The following ATXN1 variants were observed in gnomAD, a reference collection of about 807,000 sequenced individuals.
ATXN1 encodes ataxin-1.
ATXN1 carries 8 observed loss-of-function variants against 56.4 expected under a neutral mutation model. That is an observed-to-expected ratio of 0.14 (90% CI 0.08 to 0.26). The LOEUF is 0.26. Among genes scored for constraint, ATXN1 ranks in the 10% least tolerant of loss-of-function variants. The probability of loss-of-function intolerance (pLI) is 1.00; values close to 1 mark genes in which losing one functional copy is unlikely to be tolerated. For missense variants in ATXN1, 987 were observed against 1,106.5 expected, an observed-to-expected ratio of 0.89 and a Z score of 1.53; for synonymous variants, 514 against 494.6, an observed-to-expected ratio of 1.04 and a Z score of -0.52.
intron 6 of ATXN1, among the ~76,000 whole-genome samples, chr6:16,443,130 C>G (rs940027113): frequency 1.4e-5 from 2 of 139,784 alleles, no homozygotes; most frequent in African/African-American, 2.7e-5. Flanking sequence ...TGCAGTGAGC[C>G]AAGACTGTAC....
intron 3 of ATXN1, among the ~76,000 whole-genome samples, chr6:16,623,677 T>C (rs1040428694): frequency 6.6e-6 from 1 of 152,250 alleles, no homozygotes; most frequent in African/African-American, 2.4e-5. Context: ...ATCTAGATAT[T>C]TCCCCCAATC....
At chr6:16,639,420 T>A (rs1018687949) in intron 3 of ATXN1, among the ~76,000 whole-genome samples, 4 of 152,074 alleles carry the variant, frequency 2.6e-5, no homozygotes, top group African/African-American at 9.7e-5. Context: ...TTCAAGCGAT[T>A]CTCCTGCCTC....
intron 3 of ATXN1, among the ~76,000 whole-genome samples, chr6:16,654,960 C>A (rs1283152156): frequency 2.0e-5 from 3 of 152,088 alleles, no homozygotes; most frequent in African/African-American, 7.2e-5. Context: ...CCCAATAATG[C>A]ATCACTTGAA....
intron 4 of ATXN1, among the ~76,000 whole-genome samples, chr6:16,584,951 G>A (rs889194088): frequency 2.0e-5 from 3 of 152,124 alleles, no homozygotes; most frequent in African/African-American, 4.8e-5. Context: ...GCAATAAAAT[G>A]TCTGGGTGTG....
rs547746785 is a variant in ATXN1, at chr6:16,646,046, C to T, written c.-489+11730G>A. Reference sequence around the variant, plus strand: ...ACAGCCTGGGTAACATAGCAAGAATCCATCTCTACAAAAAAAAAATTAAAA... The same window carrying T: ...ACAGCCTGGGTAACATAGCAAGAATTCATCTCTACAAAAAAAAAATTAAAA... On this transcript the variant is annotated intron_variant, in intron 3 of 7. Transcript: ENST00000436367. 3.3e-5 allele frequency among the ~76,000 whole-genome samples: 5 copies of T among 151,942 alleles called. No individual in the cohort carries two copies. In the East Asian group the frequency reaches 7.7e-4, roughly 24 times the overall value.
chr6:16,550,153 T>TAAAAAAAAAA (rs1194433906), intron 4 of ATXN1, among the ~76,000 whole-genome samples: 2 of 34,198 alleles, frequency 5.8e-5, no homozygotes, highest in African/African-American at 1.8e-4. Flanking sequence ...ATAAATAAAA[T>TAAAAAAAAAA]ACAAAAAAAA....
chr6:16,487,562 T>C (rs547136270), intron 5 of ATXN1, among the ~76,000 whole-genome samples: 3 of 152,354 alleles, frequency 2.0e-5, no homozygotes, highest in East Asian at 3.9e-4. Context: ...TTCTCATTAA[T>C]TAAATCATTC....
chr6:16,716,909 G>A (rs532428477), intron 2 of ATXN1, among the ~76,000 whole-genome samples: 12 of 152,318 alleles, frequency 7.9e-5, no homozygotes, highest in African/African-American at 2.9e-4. Context: ...CAGTTCACGA[G>A]ATGTCCATCC....
At chr6:16,678,544 C>T (rs1758733584) in intron 2 of ATXN1, among the ~76,000 whole-genome samples, 1 of 152,100 alleles carries the variant, frequency 6.6e-6, no homozygotes, top group East Asian at 1.9e-4. Flanking sequence ...AAATCAGAGA[C>T]AGAAAGCTGA....
intron 6 of ATXN1, among the ~76,000 whole-genome samples, chr6:16,453,508 G>T (rs1418075222): frequency 1.3e-5 from 2 of 152,142 alleles, no homozygotes; most frequent in East Asian, 3.8e-4. Context: ...AATTGTCTAA[G>T]AATTGCTCTG....
chr6:16,371,599 T>C (rs1762044001), intron 6 of ATXN1, among the ~76,000 whole-genome samples: 1 of 152,122 alleles, frequency 6.6e-6, no homozygotes, highest in Non-Finnish European at 1.5e-5. Context: ...CTCTGTTGCA[T>C]CTAGAGTGCA....
intron 6 of ATXN1, among the ~76,000 whole-genome samples, chr6:16,452,087 A>G (rs1317445931): frequency 2.0e-5 from 3 of 152,210 alleles, no homozygotes; most frequent in African/African-American, 7.2e-5. Flanking sequence ...GCTCATGAAC[A>G]AGACAGATGC....
At chr6:16,655,078 C>T (rs1421193237) in intron 3 of ATXN1, among the ~76,000 whole-genome samples, 2 of 152,158 alleles carry the variant, frequency 1.3e-5, no homozygotes, top group Non-Finnish European at 2.9e-5. Context: ...TGCTATTCAA[C>T]GTAAAACAAA....
rs373726451 is a variant in ATXN1 at position 16,309,849 on chromosome 6, C to A, written c.1918-2990G>T. ...AGGAGTTTGAGACCAGTCTGGCCAA[C>A]ATGGTGAAACCCCATCTCTACTAAA... is the stretch of plus-strand genomic sequence containing the variant. On this transcript the variant is annotated intron_variant, in intron 7 of 7. Transcript: ENST00000436367. Among the ~76,000 whole-genome samples, 10 of 152,146 alleles carry A rather than the reference C, an allele frequency of 6.6e-5. No homozygotes were observed. In the East Asian group the frequency reaches 1.4e-3, roughly 21 times the overall value.
At chr6:16,717,851 C>G (rs1484454382) in intron 2 of ATXN1, among the ~76,000 whole-genome samples, 3 of 152,224 alleles carry the variant, frequency 2.0e-5, no homozygotes, top group Non-Finnish European at 2.9e-5. Context: ...TCGCTGACAG[C>G]ATGGCTTACA....
chr6:16,464,345 T>C (rs907103727), intron 6 of ATXN1, among the ~76,000 whole-genome samples: 1 of 151,570 alleles, frequency 6.6e-6, no homozygotes, highest in South Asian at 2.1e-4. Context: ...GCAGGGAGGA[T>C]TGAAAAAAAG....
intron 3 of ATXN1, among the ~76,000 whole-genome samples, chr6:16,622,314 T>A (rs1029418541): frequency 2.0e-5 from 3 of 152,150 alleles, no homozygotes; most frequent in Non-Finnish European, 4.4e-5. Flanking sequence ...GGAGCTTAGC[T>A]CAGGGCTCAT....
intron 2 of ATXN1, among the ~76,000 whole-genome samples, chr6:16,728,864 G>A (rs770926385): frequency 6.6e-6 from 1 of 152,096 alleles, no homozygotes; most frequent in Non-Finnish European, 1.5e-5. Flanking sequence ...CTGCAGGACA[G>A]CTTGGCATTC....
intron 6 of ATXN1, among the ~76,000 whole-genome samples, chr6:16,349,044 T>A (rs1761510095): frequency 6.6e-6 from 1 of 152,168 alleles, no homozygotes; most frequent in African/African-American, 2.4e-5. Flanking sequence ...TAATACTAGT[T>A]CCTACCCCAC....
Sources: allele counts gnomAD v4.1 joint callset (sites outside exome capture counted in the v4.1 genomes callset), GRCh38; gene constraint gnomAD v4.1.1; transcripts MANE v1.5; gene names NCBI Gene and HGNC (gene_info 2026-07-23, HGNC 2026-07-21).